The following CLVS1 variants were observed in gnomAD, a reference collection of about 807,000 sequenced individuals.
The protein encoded by CLVS1 is clavesin 1.
In CLVS1, 10 loss-of-function variants were observed where a neutral mutation model predicts 33.1. The ratio of observed to expected loss-of-function variants is 0.30; its 90% CI spans 0.19 to 0.51. The LOEUF (loss-of-function observed/expected upper bound fraction) is 0.51. CLVS1 is among the 20% of genes least tolerant of loss of function. The pLI, the probability that CLVS1 is intolerant of heterozygous loss-of-function variation, is 0.97. For missense variants in CLVS1, 343 were observed against 433.4 expected (o/e 0.79, Z 1.85); for synonymous variants, 163 against 166.1 (o/e 0.98, Z 0.14).
Position 61,410,998 on chromosome 8 carries a change from C to T in CLVS1, c.630+34219C>T, listed in dbSNP as rs181404063. 1.8e-4 allele frequency among the ~76,000 whole-genome samples: 27 copies of T among 152,272 alleles called. No homozygotes were observed. The East Asian group carries it at 2.1e-3, about 12-fold the overall frequency. On this transcript the variant is annotated intron_variant, in intron 3 of 5. Coordinates refer to ENST00000325897, the MANE Select transcript of CLVS1 (RefSeq NM_173519.3). ...CACTGAGAACCTTGTTCTCCTCCTA[C>T]GCTTGTGCTCTCCTCCTATTTGTCA...
At chr8:61,461,748 A>G (rs1409215588) in intron 5 of CLVS1, among the ~76,000 whole-genome samples, 1 of 152,170 alleles carries the variant, frequency 6.6e-6, no homozygotes, top group African/African-American at 2.4e-5. Context: ...TAGACTCAGA[A>G]CCCTGTAGTT....
At chr8:61,017,408 C>T in the CLVS1 span, among the ~76,000 whole-genome samples, 5 of 152,230 alleles carry the variant, frequency 3.3e-5, no homozygotes, top group Non-Finnish European at 7.3e-5. Context: ...CACGGAGGTG[C>T]AAGAAGCCGG....
At chr8:61,081,591 T>G (rs1328566929) in intron 1 of CLVS1, among the ~76,000 whole-genome samples, 3 of 152,190 alleles carry the variant, frequency 2.0e-5, no homozygotes, top group Non-Finnish European at 4.4e-5. Flanking sequence ...AATTGTATCC[T>G]GGTCTCCAGA....
intron 2 of CLVS1, among the ~76,000 whole-genome samples, chr8:61,197,341 T>C (rs1312697944): frequency 1.3e-5 from 2 of 152,154 alleles, no homozygotes; most frequent in Admixed American, 1.3e-4. Flanking sequence ...TGTAGACATA[T>C]GGATTTGTTT....
chr8:61,144,547 T>C (rs957352983), intron 2 of CLVS1, among the ~76,000 whole-genome samples: 19 of 152,198 alleles, frequency 1.2e-4, no homozygotes, highest in Admixed American at 5.9e-4. Flanking sequence ...AGTAGAATGA[T>C]GTATAATCCT....
At chr8:61,463,979 A>G (rs1386971814) in intron 5 of CLVS1, among the ~76,000 whole-genome samples, 1 of 151,892 alleles carries the variant, frequency 6.6e-6, no homozygotes, top group Non-Finnish European at 1.5e-5. Context: ...AGGCTGAGGT[A>G]GGAGAATTGC....
At chr8:60,968,893 A>T in the CLVS1 span, among the ~76,000 whole-genome samples, 4 of 152,148 alleles carry the variant, frequency 2.6e-5, no homozygotes, top group Middle Eastern at 0.01. Flanking sequence ...TGTTTCAAAA[A>T]AAATAAATAA....
At chr8:61,055,589 T>C (rs1804461610), upstream of CLVS1, among the ~76,000 whole-genome samples, 1 of 152,194 alleles carries the variant, frequency 6.6e-6, no homozygotes, top group African/African-American at 2.4e-5. Context: ...CCCAAGCCCT[T>C]TCCATATTTT....
intron 3 of CLVS1, among the ~76,000 whole-genome samples, chr8:61,422,875 T>C (rs1166113974): frequency 2.6e-5 from 4 of 152,172 alleles, no homozygotes; most frequent in Non-Finnish European, 1.5e-5. Flanking sequence ...GTCTACCCTC[T>C]TGAGTTAGTG....
the CLVS1 span, among the ~76,000 whole-genome samples, chr8:61,008,976 A>C: frequency 1.3e-5 from 2 of 151,986 alleles, no homozygotes; most frequent in African/African-American, 4.8e-5. Context: ...TCTATACCTA[A>C]TCTCTTTTGA....
upstream of CLVS1, among the ~76,000 whole-genome samples, chr8:61,055,115 T>G (rs1395815606): frequency 6.6e-6 from 1 of 152,200 alleles, no homozygotes; most frequent in Non-Finnish European, 1.5e-5. Context: ...AAAAACTTCA[T>G]TAAATGAAGT....
At position 61,086,415 on chromosome 8, in the gene CLVS1, C is replaced by T. The variant is rs74884984; in HGVS notation, c.-243+29185C>T. On this transcript the variant is annotated intron_variant, in intron 1 of 2. Transcript: ENST00000522621. ...TGACATCTGAATTTCAGTCAAGCAA[C>T]GAATAGTTTTCTGCACAAACATTTT... 3.3e-3 allele frequency among the ~76,000 whole-genome samples: 499 copies of T among 152,152 alleles called. 7 individuals carry two copies. The highest frequency in any genetic ancestry group is 0.012 in the African/African-American group (481 of 41,516).
At chr8:61,201,117 G>A (rs1469390119) in intron 2 of CLVS1, among the ~76,000 whole-genome samples, 1 of 152,134 alleles carries the variant, frequency 6.6e-6, no homozygotes, top group Non-Finnish European at 1.5e-5. Flanking sequence ...CCAGCAGAAT[G>A]AAATAAATTC....
At chr8:61,206,665 T>G (rs1807850545) in intron 2 of CLVS1, among the ~76,000 whole-genome samples, 1 of 150,970 alleles carries the variant, frequency 6.6e-6, no homozygotes, top group African/African-American at 2.4e-5. Flanking sequence ...CTCGGCTCAC[T>G]GCAAGCTCCG....
At chr8:61,082,949 C>T (rs941161868) in intron 1 of CLVS1, among the ~76,000 whole-genome samples, 5 of 151,314 alleles carry the variant, frequency 3.3e-5, no homozygotes, top group Non-Finnish European at 7.4e-5. Flanking sequence ...AGATGAGATG[C>T]TTGAGCCTCT....
rs16927187 is a variant in CLVS1 at position 61,326,383 on chromosome 8, T to C, written c.455+26101T>C. On this transcript the variant is annotated intron_variant, in intron 2 of 5. Transcript: ENST00000325897. The stretch of plus-strand genomic sequence containing the variant: ...GCTGTTAGTTGAGCTTAGCTTAGCT[T>C]ACCTGCAAGAGATGGAGAGCTTCAG... Among the ~76,000 whole-genome samples the C allele has an allele frequency of 5.4e-3, 826 of 152,312 alleles. 18 individuals are homozygous for C. In the East Asian group the frequency reaches 0.072, roughly 13 times the overall value.
the CLVS1 span, among the ~76,000 whole-genome samples, chr8:61,032,847 T>A: frequency 2.6e-5 from 4 of 151,840 alleles, no homozygotes; most frequent in Admixed American, 2.0e-4. Context: ...CAATAGGAAG[T>A]ATTGCCAAGC....
chr8:61,170,838 A>G (rs1484062468), intron 2 of CLVS1, among the ~76,000 whole-genome samples: 1 of 152,242 alleles, frequency 6.6e-6, no homozygotes, highest in Non-Finnish European at 1.5e-5. Context: ...GTAAATAAAT[A>G]TACACACAAG....
chr8:61,062,291 G>A (rs1206534576), intron 1 of CLVS1, among the ~76,000 whole-genome samples: 1 of 152,206 alleles, frequency 6.6e-6, no homozygotes, highest in Non-Finnish European at 1.5e-5. Flanking sequence ...GCACAAGCCA[G>A]CTGCACACCT....
Sources: gnomAD v4.1 joint callset for allele counts (sites outside exome capture counted in the v4.1 genomes callset) on GRCh38, gnomAD v4.1.1 for gene constraint, MANE v1.5 for transcripts, NCBI Gene and HGNC (gene_info 2026-07-23, HGNC 2026-07-21) for gene names.